CDH18: variants seen among roughly 807,000 people sequenced by gnomAD.
The protein encoded by CDH18 is cadherin-18.
A neutral mutation model predicts 67.9 loss-of-function variants in CDH18; 31 were observed. That is an observed-to-expected ratio of 0.46 (90% confidence interval 0.34 to 0.62). The LOEUF (loss-of-function observed/expected upper bound fraction) is 0.62. Ranked by LOEUF, CDH18 falls within the 20% of genes least tolerant of loss-of-function variation. The pLI is 0.01. For synonymous variants in CDH18, 362 were observed against 347.2 expected, an observed-to-expected ratio of 1.04 and a Z score of -0.48; for missense variants, 890 against 975.5, an observed-to-expected ratio of 0.91 and a Z score of 1.17.
chr5:20,279,286 A>C lies in CDH18; in HGVS notation c.-579-23781T>G, dbSNP rs527891324. ...AGACAAAATAGACTTAAAGACAAAA[A>C]CTATAAAAAGAGAAAATGAAGCATA... On this transcript the variant is annotated intron_variant, in intron 1 of 14. Coordinates refer to the CDH18 transcript ENST00000507958. 2.0e-4 allele frequency among the ~76,000 whole-genome samples: 30 copies of C among 152,282 alleles called. No individual in the cohort carries two copies. In the South Asian group the frequency reaches 5.4e-3, roughly 27 times the overall value.
In CDH18 at chr5:19,543,863, G is replaced by GT; in HGVS notation, c.1390+5dup. 1.3e-6 allele frequency: 2 copies of GT among 1,571,462 alleles called. No individual in the cohort carries two copies. Among genetic ancestry groups the GT allele is most frequent in the Non-Finnish European group, 1.7e-6 (2 of 1,155,218 alleles). ...ATCTTTTACTGTGATACATAAAGTA[G>GT]TTTACCAATTTCTGAAGCAGTGACT... On this transcript the variant is annotated splice_donor_region_variant and intron_variant, in intron 9 of 12. Transcript: ENST00000382275.
chr5:19,679,432 T>C (rs114836858), intron 5 of CDH18, among the ~76,000 whole-genome samples: 137 of 152,044 alleles, frequency 9.0e-4, no homozygotes, highest in African/African-American at 2.6e-3. Context: ...CTATTCAACA[T>C]AGTACTGGAA....
chr5:20,368,596 G>GA (rs1742711296), intron 1 of CDH18, among the ~76,000 whole-genome samples: 3 of 152,198 alleles, frequency 2.0e-5, no homozygotes, highest in Admixed American at 1.3e-4. Flanking sequence ...TTGAATTGAA[G>GA]AAAAAAGTAC....
At chr5:20,258,781 G>A (rs959681783) in intron 1 of CDH18, among the ~76,000 whole-genome samples, 40 of 152,184 alleles carry the variant, frequency 2.6e-4, no homozygotes, top group African/African-American at 9.2e-4. Flanking sequence ...TAATACTACA[G>A]GAATGGTGAA....
At chr5:20,358,100 C>T (rs915147939) in intron 1 of CDH18, among the ~76,000 whole-genome samples, 4 of 152,108 alleles carry the variant, frequency 2.6e-5, no homozygotes, top group East Asian at 3.9e-4. Context: ...AAACATTAAG[C>T]GTACACATTG....
chr5:20,422,634 T>C (rs1434793837), intron 1 of CDH18, among the ~76,000 whole-genome samples: 1 of 151,086 alleles, frequency 6.6e-6, no homozygotes, highest in African/African-American at 2.5e-5. Context: ...TTCTTTGCAC[T>C]CTCCCCAACA....
intron 2 of CDH18, among the ~76,000 whole-genome samples, chr5:20,177,695 G>C (rs922852586): frequency 6.6e-6 from 1 of 151,976 alleles, no homozygotes; most frequent in Non-Finnish European, 1.5e-5. Context: ...ATCTCATCTT[G>C]AATTCCCATG....
intron 9 of CDH18, among the ~76,000 whole-genome samples, chr5:19,533,207 T>C (rs1204083679): frequency 6.6e-6 from 1 of 152,040 alleles, no homozygotes; most frequent in African/African-American, 2.4e-5. Context: ...AAGGATGGAG[T>C]TAATCAAAAG....
intron 2 of CDH18, among the ~76,000 whole-genome samples, chr5:20,139,888 A>T (rs1750088661): frequency 1.3e-5 from 2 of 152,316 alleles, no homozygotes; most frequent in East Asian, 1.9e-4. Flanking sequence ...AACTAGTTCA[A>T]CCACTGTGAA....
chr5:19,921,911 AT>A (rs1228392074), intron 2 of CDH18, among the ~76,000 whole-genome samples: 6,759 of 148,694 alleles, frequency 0.045, 475 homozygotes, highest in African/African-American at 0.15. Flanking sequence ...TAACTCGATG[AT>A]TTTTTTTTTT....
At chr5:20,111,586 C>T (rs1490139515) in intron 2 of CDH18, among the ~76,000 whole-genome samples, 2 of 125,644 alleles carry the variant, frequency 1.6e-5, no homozygotes, top group Non-Finnish European at 1.6e-5. Context: ...CTTGCTCTGT[C>T]GCCAGGCTGG....
At chr5:20,540,351 A>G (rs1756986427) in intron 1 of CDH18, among the ~76,000 whole-genome samples, 1 of 152,192 alleles carries the variant, frequency 6.6e-6, no homozygotes, top group Non-Finnish European at 1.5e-5. Context: ...ATCTTGAAGA[A>G]CTTGGAAATC....
chr5:20,533,866 T>C (rs1253423336), intron 1 of CDH18, among the ~76,000 whole-genome samples: 1 of 152,070 alleles, frequency 6.6e-6, no homozygotes, highest in Non-Finnish European at 1.5e-5. Flanking sequence ...ACTGATACAA[T>C]AAACAATGCT....
chr5:19,960,749 ATATATATG>A (rs1314667240), intron 2 of CDH18, among the ~76,000 whole-genome samples: 12 of 131,844 alleles, frequency 9.1e-5, no homozygotes, highest in Admixed American at 8.5e-4. Flanking sequence ...ATACACGTGT[ATATATATG>A]TATATATGTA....
At chr5:20,390,549 A>G (rs1261418778) in intron 1 of CDH18, among the ~76,000 whole-genome samples, 1 of 152,198 alleles carries the variant, frequency 6.6e-6, no homozygotes, top group Non-Finnish European at 1.5e-5. Flanking sequence ...GGGACTGTAT[A>G]CTAGTTCAAT....
intron 5 of CDH18, among the ~76,000 whole-genome samples, chr5:19,694,873 C>CAAAA (rs35511726): frequency 7.1e-6 from 1 of 141,268 alleles, no homozygotes; most frequent in Non-Finnish European, 1.5e-5. Context: ...GACTCTGTCT[C>CAAAA]AAAAAAAAAA....
At position 20,466,236 on chromosome 5, in the gene CDH18, G is replaced by A. The variant is rs78922442; in HGVS notation, c.-580+109226C>T. 2.0e-3 allele frequency among the ~76,000 whole-genome samples: 306 copies of A among 152,078 alleles called. 1 individual carries two copies. Among genetic ancestry groups the A allele is most frequent in the African/African-American group, 6.6e-3 (276 of 41,532 alleles). ...AGTTTCCTCGCCATTTTCATTTTCA[G>A]TGACTAATGAATATCAAGGATAAGG... is the stretch of plus-strand genomic sequence containing the variant. On this transcript the variant is annotated intron_variant, in intron 1 of 14. Coordinates refer to the CDH18 transcript ENST00000507958.
At chr5:20,326,284 G>A (rs1738569363) in intron 1 of CDH18, among the ~76,000 whole-genome samples, 2 of 152,008 alleles carry the variant, frequency 1.3e-5, no homozygotes, top group South Asian at 4.1e-4. Context: ...CCTGGTATAG[G>A]TGATTATCTA....
intron 2 of CDH18, among the ~76,000 whole-genome samples, chr5:20,224,607 T>C (rs1580520488): frequency 6.6e-6 from 1 of 152,144 alleles, no homozygotes; most frequent in East Asian, 1.9e-4. Flanking sequence ...GATTTCTTAT[T>C]TTCTGCTAAA....
Sources: allele counts gnomAD v4.1 joint callset (sites outside exome capture counted in the v4.1 genomes callset), GRCh38; gene constraint gnomAD v4.1.1; transcripts MANE v1.5; gene names NCBI Gene and HGNC (gene_info 2026-07-23, HGNC 2026-07-21).